The following NEK10 variants were observed in gnomAD, a reference collection of about 807,000 sequenced individuals.
The protein encoded by NEK10 is serine/threonine-protein kinase Nek10.
A neutral mutation model predicts 159.8 loss-of-function variants in NEK10; 122 were observed. The ratio of observed to expected loss-of-function variants is 0.76; its 90% confidence interval spans 0.66 to 0.89. The LOEUF is 0.89. Among genes scored for constraint, NEK10 ranks in the 40% least tolerant of loss-of-function variants. NEK10 has a pLI of 0.00. For synonymous variants in NEK10, 466 were observed against 457.1 expected (o/e 1.02, Z -0.25); for missense variants, 1,342 against 1,323.1 (o/e 1.01, Z -0.22).
Position 27,153,659 on chromosome 3 carries a change from A to C in NEK10, c.2869+9042T>G, listed in dbSNP as rs182470886. On this transcript the variant is annotated intron_variant, in intron 30 of 35. Coordinates refer to ENST00000691995, the MANE Select transcript of NEK10 (RefSeq NM_001394966.1). ...GAAATCAACTGCAAAAGGAACCTTC[A>C]AAACCATGCAAATACATGGAAATTA... 6.6e-5 allele frequency among the ~76,000 whole-genome samples: 10 copies of C among 152,340 alleles called. No individual in the cohort carries two copies. The East Asian group carries it at 1.9e-3, about 29-fold the overall frequency.
intron 26 of NEK10, among the ~76,000 whole-genome samples, chr3:27,176,842 T>A (rs1038903755): frequency 1.3e-5 from 2 of 152,226 alleles, no homozygotes; most frequent in Non-Finnish European, 2.9e-5. Context: ...AGGAGAATTT[T>A]TGAATTGAGA....
At chr3:27,190,766 T>C (rs150396998) in intron 26 of NEK10, among the ~76,000 whole-genome samples, 1 of 152,340 alleles carries the variant, frequency 6.6e-6, no homozygotes, top group African/African-American at 2.4e-5. Flanking sequence ...CTACTAGGAA[T>C]ACTCTATTTA....
At chr3:27,160,064 C>T (rs895307338) in intron 30 of NEK10, among the ~76,000 whole-genome samples, 2 of 151,810 alleles carry the variant, frequency 1.3e-5, no homozygotes, top group Non-Finnish European at 2.9e-5. Context: ...TCCAAGAAAG[C>T]GAGACCAAAT....
chr3:27,338,968 G>T (rs1165226893), intron 5 of NEK10, among the ~76,000 whole-genome samples: 2 of 152,100 alleles, frequency 1.3e-5, no homozygotes, highest in Non-Finnish European at 2.9e-5. Context: ...AAAAACTTCT[G>T]CACAGCAAAG....
intron 23 of NEK10, among the ~76,000 whole-genome samples, chr3:27,218,716 C>A (rs1951791139): frequency 1.6e-5 from 2 of 127,428 alleles, no homozygotes; most frequent in Admixed American, 1.7e-4. Flanking sequence ...GGTAAAACAT[C>A]ATATTAACAG....
At chr3:27,348,903 C>G (rs1298168586) in intron 3 of NEK10, among the ~76,000 whole-genome samples, 4 of 152,186 alleles carry the variant, frequency 2.6e-5, no homozygotes, top group Non-Finnish European at 5.9e-5. Context: ...TTCCCAGTCT[C>G]TTTGCCAAAC....
chr3:27,307,858 C>T lies in NEK10; in HGVS notation c.803+1G>A, dbSNP rs531554989. 1 of 1,455,060 alleles carries T rather than the reference C, an allele frequency of 6.9e-7. No homozygotes were observed. Among genetic ancestry groups the T allele is most frequent in the East Asian group, 2.3e-5 (1 of 43,874 alleles). The allele number at this position is 1,455,060 out of a possible 1,614,324, so 90.1% of individuals were successfully genotyped here. A position where few individuals can be genotyped will look rare whatever the true frequency, so the allele number is the denominator to read the frequency against. On this transcript the variant is annotated splice_donor_variant, in intron 11 of 35. Coordinates refer to ENST00000691995, the MANE Select transcript of NEK10 (RefSeq NM_001394966.1). LOFTEE classifies it high-confidence loss of function. ...TCTTTTTCTACTGTTAGCAATCCTA[C>T]CTTTTAGAAAGCAAGTCATATTCAT...
At chr3:27,264,334 A>T (rs1230697739) in intron 22 of NEK10, among the ~76,000 whole-genome samples, 1 of 152,212 alleles carries the variant, frequency 6.6e-6, no homozygotes, top group Non-Finnish European at 1.5e-5. Context: ...CAAAGGCATG[A>T]CAAGAAAAGA....
chr3:27,187,398 G>A (rs1948718314), intron 26 of NEK10, among the ~76,000 whole-genome samples: 1 of 151,978 alleles, frequency 6.6e-6, no homozygotes, highest in Non-Finnish European at 1.5e-5. Context: ...CACAAACAGG[G>A]GTTCAAAACA....
At chr3:27,328,351 G>A (rs567447598) in intron 5 of NEK10, among the ~76,000 whole-genome samples, 1 of 152,218 alleles carries the variant, frequency 6.6e-6, no homozygotes, top group South Asian at 2.1e-4. Context: ...AATAATCAAG[G>A]TTAAGGATTT....
chr3:27,327,528 C>T (rs958973590), intron 5 of NEK10, among the ~76,000 whole-genome samples: 9 of 152,146 alleles, frequency 5.9e-5, no homozygotes, highest in Non-Finnish European at 1.3e-4. Context: ...AGGAAAAGCA[C>T]CGGAGACACA....
At chr3:27,364,089 T>A (rs1378334170) in intron 1 of NEK10, among the ~76,000 whole-genome samples, 1 of 152,084 alleles carries the variant, frequency 6.6e-6, no homozygotes, top group African/African-American at 2.4e-5. Flanking sequence ...TATTAACTTT[T>A]TTGTGTGTGT....
intron 30 of NEK10, among the ~76,000 whole-genome samples, chr3:27,161,786 C>T (rs752394371): frequency 6.6e-6 from 1 of 152,056 alleles, no homozygotes; most frequent in Non-Finnish European, 1.5e-5. Flanking sequence ...GGGCGGATCA[C>T]CTGAGGTCAA....
chr3:27,145,368 T>C (rs1484914912), intron 30 of NEK10, among the ~76,000 whole-genome samples: 1 of 152,346 alleles, frequency 6.6e-6, no homozygotes, highest in Admixed American at 6.5e-5. Flanking sequence ...AATATTGGGA[T>C]ACTTTGTATT....
At chr3:27,238,158 G>C (rs1022030871) in intron 23 of NEK10, among the ~76,000 whole-genome samples, 1 of 152,176 alleles carries the variant, frequency 6.6e-6, no homozygotes, top group Admixed American at 6.5e-5. Context: ...ATGAGTTAGG[G>C]AAAAGCTGGA....
intron 23 of NEK10, among the ~76,000 whole-genome samples, chr3:27,215,437 T>C (rs1951416307): frequency 6.6e-6 from 1 of 152,224 alleles, no homozygotes; most frequent in Non-Finnish European, 1.5e-5. Flanking sequence ...CTTCCTTTCT[T>C]ATACAATATG....
intron 23 of NEK10, chr3:27,252,772 T>C: frequency 7.3e-6 from 3 of 410,582 alleles, no homozygotes; most frequent in East Asian, 7.1e-5. Context: ...GCAAAGGCCC[T>C]GTGGTCAGAG....
chr3:27,278,784 T>G, intron 22 of NEK10: 1 of 985,404 alleles, frequency 1.0e-6, no homozygotes, highest in Non-Finnish European at 1.2e-6. Context: ...AATGGTGGGT[T>G]CAAGGGTAAG....
intron 11 of NEK10, 115 bp downstream of exon 11, chr3:27,307,744 G>T: frequency 1.5e-6 from 1 of 658,612 alleles, no homozygotes; most frequent in Non-Finnish European, 2.7e-6. Flanking sequence ...TAAATGCCAA[G>T]CTGACTCATC....
Sources: allele counts gnomAD v4.1 joint callset (sites outside exome capture counted in the v4.1 genomes callset), GRCh38; gene constraint gnomAD v4.1.1; transcripts MANE v1.5; gene names NCBI Gene and HGNC (gene_info 2026-07-23, HGNC 2026-07-21).